CAMK1D: variants seen among roughly 807,000 people sequenced by gnomAD.
CAMK1D encodes calcium/calmodulin-dependent protein kinase type 1D.
Under a neutral mutation model 47.7 loss-of-function variants are expected in CAMK1D, and 9 were observed. That is an observed-to-expected ratio of 0.19 (90% CI 0.11 to 0.33). The LOEUF is 0.33. Ranked by LOEUF, CAMK1D falls within the 10% of genes least tolerant of loss-of-function variation. The probability of loss-of-function intolerance (pLI) is 1.00; values close to 1 mark genes in which losing one functional copy is unlikely to be tolerated. For synonymous variants in CAMK1D, 184 were observed against 184.9 expected, an observed-to-expected ratio of 0.99 and a Z score of 0.04; for missense variants, 291 against 488.7, an observed-to-expected ratio of 0.60 and a Z score of 3.81.
chr10:12,701,800 C>T (rs1411651062), intron 3 of CAMK1D, among the ~76,000 whole-genome samples: 5 of 152,152 alleles, frequency 3.3e-5, no homozygotes, highest in African/African-American at 9.7e-5. Flanking sequence ...AGGGGCTGAA[C>T]GTGACAGAAG....
chr10:12,472,126 AC>A (rs1189638522), intron 1 of CAMK1D, among the ~76,000 whole-genome samples: 1 of 152,076 alleles, frequency 6.6e-6, no homozygotes, highest in Non-Finnish European at 1.5e-5. Flanking sequence ...AGATGCGTCC[AC>A]CCTTAACCTT....
intron 3 of CAMK1D, among the ~76,000 whole-genome samples, chr10:12,734,918 C>T (rs1835115048): frequency 6.6e-6 from 1 of 152,140 alleles, no homozygotes; most frequent in Non-Finnish European, 1.5e-5. Flanking sequence ...CTCCAAGAGT[C>T]GCTGCCACAG....
intron 1 of CAMK1D, among the ~76,000 whole-genome samples, chr10:12,445,936 A>G (rs764035716): frequency 1.6e-4 from 25 of 152,210 alleles, no homozygotes; most frequent in South Asian, 6.2e-4. Context: ...AATTTTAGCC[A>G]TAACAAATTT....
At chr10:12,767,620 A>G (rs937935977) in intron 4 of CAMK1D, among the ~76,000 whole-genome samples, 6 of 152,200 alleles carry the variant, frequency 3.9e-5, no homozygotes, top group African/African-American at 9.7e-5. Context: ...TGAGACATCA[A>G]TCAGTATGTG....
intron 3 of CAMK1D, among the ~76,000 whole-genome samples, chr10:12,746,595 C>T (rs904154161): frequency 6.6e-6 from 1 of 152,144 alleles, no homozygotes; most frequent in Admixed American, 6.5e-5. Flanking sequence ...CTGACCTTGC[C>T]GTCTCTCCTG....
At chr10:12,491,716 T>C (rs966501234) in intron 1 of CAMK1D, among the ~76,000 whole-genome samples, 2 of 151,912 alleles carry the variant, frequency 1.3e-5, no homozygotes, top group Non-Finnish European at 2.9e-5. Flanking sequence ...GGCCGCCGAT[T>C]GCTAATTGTT....
intron 3 of CAMK1D, among the ~76,000 whole-genome samples, chr10:12,746,458 C>T (rs1372681022): frequency 6.6e-6 from 1 of 151,612 alleles, no homozygotes; most frequent in Non-Finnish European, 1.5e-5. Context: ...GACATTGGAA[C>T]GTTAGGCTTA....
At chr10:12,428,580 C>T (rs1452804017) in intron 1 of CAMK1D, among the ~76,000 whole-genome samples, 10 of 152,124 alleles carry the variant, frequency 6.6e-5, no homozygotes, top group Non-Finnish European at 1.2e-4. Flanking sequence ...TCTTCAACTT[C>T]GCCTCCCCAC....
chr10:12,794,665 A>G (rs1838116710), intron 6 of CAMK1D, among the ~76,000 whole-genome samples: 1 of 152,074 alleles, frequency 6.6e-6, no homozygotes, highest in Admixed American at 6.5e-5. Flanking sequence ...TCCCACATCA[A>G]TTTCATGACA....
chr10:12,747,784 C>T (rs571557490), intron 3 of CAMK1D, among the ~76,000 whole-genome samples: 1 of 152,204 alleles, frequency 6.6e-6, no homozygotes, highest in South Asian at 2.1e-4. Flanking sequence ...GCATTTATAT[C>T]AGTTCAAAGT....
At chr10:12,758,255 C>T (rs1027430162) in intron 3 of CAMK1D, among the ~76,000 whole-genome samples, 7 of 152,192 alleles carry the variant, frequency 4.6e-5, no homozygotes, top group South Asian at 2.1e-4. Context: ...TTCTGGGGGA[C>T]GTAAACATTC....
intron 3 of CAMK1D, among the ~76,000 whole-genome samples, chr10:12,749,832 C>T (rs1588883787): frequency 7.4e-6 from 1 of 135,540 alleles, no homozygotes; most frequent in East Asian, 2.2e-4. Context: ...GCAAATGATC[C>T]GCCTGCTTCG....
At chr10:12,735,065 G>T (rs1393166034) in intron 3 of CAMK1D, among the ~76,000 whole-genome samples, 1 of 152,182 alleles carries the variant, frequency 6.6e-6, no homozygotes, top group Non-Finnish European at 1.5e-5. Context: ...AATAATAATG[G>T]CTAGCCTTTG....
At chr10:12,774,303 C>A (rs1837176604) in intron 5 of CAMK1D, among the ~76,000 whole-genome samples, 1 of 152,064 alleles carries the variant, frequency 6.6e-6, no homozygotes, top group African/African-American at 2.4e-5. Flanking sequence ...GTGCAGGCAG[C>A]CCTCACTAAG....
intron 1 of CAMK1D, among the ~76,000 whole-genome samples, chr10:12,464,147 A>G (rs1401482152): frequency 1.3e-5 from 2 of 152,194 alleles, no homozygotes; most frequent in Non-Finnish European, 2.9e-5. Context: ...GTTAAAGTAT[A>G]TCTCAAAACA....
At chr10:12,665,338 C>G (rs970664047) in intron 2 of CAMK1D, among the ~76,000 whole-genome samples, 2 of 152,172 alleles carry the variant, frequency 1.3e-5, no homozygotes, top group African/African-American at 4.8e-5. Flanking sequence ...TGTTTTCCAC[C>G]TTATAAACTT....
intron 1 of CAMK1D, chr10:12,415,845 G>C (rs1839829651): frequency 7.0e-6 from 1 of 143,202 alleles, no homozygotes; most frequent in Non-Finnish European, 1.5e-5. Flanking sequence ...TCGCTCTGTT[G>C]TCCAGGCTAG....
intron 1 of CAMK1D, among the ~76,000 whole-genome samples, chr10:12,523,299 G>A (rs899188397): frequency 4.0e-5 from 6 of 150,712 alleles, no homozygotes; most frequent in African/African-American, 9.7e-5. Flanking sequence ...CTTCTCAGAC[G>A]ATGGGCGGCC....
intron 5 of CAMK1D, among the ~76,000 whole-genome samples, chr10:12,779,696 G>A (rs1037857984): frequency 2.0e-5 from 3 of 152,158 alleles, no homozygotes; most frequent in African/African-American, 7.2e-5. Context: ...CTCCCAAAGT[G>A]CTGAGATTAC....
Sources: allele counts gnomAD v4.1 joint callset (sites outside exome capture counted in the v4.1 genomes callset), GRCh38; gene constraint gnomAD v4.1.1; transcripts MANE v1.5; gene names NCBI Gene and HGNC (gene_info 2026-07-23, HGNC 2026-07-21).